HPSE2: variants seen among roughly 807,000 people sequenced by gnomAD.
HPSE2 encodes the protein heparanase 2 (inactive), also known as inactive heparanase-2.
HPSE2 carries 38 observed loss-of-function variants against 60.5 expected under a neutral mutation model. That is an observed-to-expected ratio of 0.63 (90% CI 0.48 to 0.82). The LOEUF is 0.82. Ranked by LOEUF, HPSE2 falls within the 40% of genes least tolerant of loss-of-function variation. The pLI, the probability that HPSE2 is intolerant of heterozygous loss-of-function variation, is 0.00. For missense variants in HPSE2, 713 were observed against 740.4 expected, an observed-to-expected ratio of 0.96 and a Z score of 0.43; for synonymous variants, 295 against 293.2, an observed-to-expected ratio of 1.01 and a Z score of -0.06.
chr10:98,869,927 C>T (rs1312326593), intron 3 of HPSE2, among the ~76,000 whole-genome samples: 1 of 151,842 alleles, frequency 6.6e-6, no homozygotes, highest in East Asian at 1.9e-4. Context: ...TGACTTGGAG[C>T]TTCAAGAAAA....
chr10:98,902,809 T>G (rs1424204179), intron 3 of HPSE2, among the ~76,000 whole-genome samples: 3 of 152,076 alleles, frequency 2.0e-5, no homozygotes, highest in African/African-American at 7.2e-5. Context: ...TTTCTGCAAC[T>G]TATGTTAAAA....
At chr10:99,260,907 A>T in the HPSE2 span, among the ~76,000 whole-genome samples, 5 of 151,862 alleles carry the variant, frequency 3.3e-5, no homozygotes, top group African/African-American at 1.2e-4. Context: ...AACCTCTTCA[A>T]CTCACACCTG....
chr10:99,121,922 C>T (rs1844968901), intron 3 of HPSE2, among the ~76,000 whole-genome samples: 1 of 152,010 alleles, frequency 6.6e-6, no homozygotes, highest in Admixed American at 6.5e-5. Flanking sequence ...TACATCCATA[C>T]AATGTAATTC....
At chr10:98,697,195 A>G (rs1176278008) in intron 5 of HPSE2, among the ~76,000 whole-genome samples, 1 of 152,200 alleles carries the variant, frequency 6.6e-6, no homozygotes, top group African/African-American at 2.4e-5. Flanking sequence ...AAGGTGGGTA[A>G]CAACAAACTC....
chr10:98,522,039 C>T (rs540564011), intron 9 of HPSE2, among the ~76,000 whole-genome samples: 2 of 151,720 alleles, frequency 1.3e-5, no homozygotes, highest in African/African-American at 2.4e-5. Flanking sequence ...ATGCAAATGA[C>T]GAGTTGATGG....
At chr10:98,701,683 C>T (rs1273860513) in intron 5 of HPSE2, among the ~76,000 whole-genome samples, 3 of 151,272 alleles carry the variant, frequency 2.0e-5, no homozygotes, top group African/African-American at 7.3e-5. Context: ...AGTTTTAAAC[C>T]CAGAATTTCA....
intron 6 of HPSE2, among the ~76,000 whole-genome samples, chr10:98,646,227 T>A (rs1946765067): frequency 6.6e-6 from 1 of 152,132 alleles, no homozygotes; most frequent in Non-Finnish European, 1.5e-5. Flanking sequence ...TCATTTATAT[T>A]TGGGCATGAA....
chr10:98,692,860 A>G (rs968017590), intron 6 of HPSE2, among the ~76,000 whole-genome samples: 1 of 152,226 alleles, frequency 6.6e-6, no homozygotes, highest in Non-Finnish European at 1.5e-5. Context: ...ATAAATGTAG[A>G]CTGAAATATT....
intron 9 of HPSE2, among the ~76,000 whole-genome samples, chr10:98,492,273 T>C (rs899892871): frequency 6.6e-6 from 1 of 151,990 alleles, no homozygotes; most frequent in Non-Finnish European, 1.5e-5. Flanking sequence ...GAGGCCGAGG[T>C]GGGCAGATCA....
intron 3 of HPSE2, among the ~76,000 whole-genome samples, chr10:98,788,486 C>A (rs1178434816): frequency 7.0e-6 from 1 of 141,850 alleles, no homozygotes; most frequent in Non-Finnish European, 1.5e-5. Context: ...GTTCGAGCTT[C>A]CCGGCTGCTT....
chr10:98,562,588 G>A (rs1040891353), intron 9 of HPSE2, among the ~76,000 whole-genome samples: 29 of 152,064 alleles, frequency 1.9e-4, no homozygotes, highest in Middle Eastern at 3.4e-3. Flanking sequence ...GGTGGTGGGC[G>A]CCTGTAGTCC....
rs556743117 is a variant in HPSE2 at position 98,604,009 on chromosome 10, A to G, written c.1320+10895T>C. 4.6e-5 allele frequency among the ~76,000 whole-genome samples: 7 copies of G among 152,314 alleles called. No individual in the cohort carries two copies. In the South Asian group the frequency reaches 1.5e-3, roughly 32 times the overall value. ...GTCTGAGACCTAATCATAGGACTAT[A>G]GGATGCTTCCTCTCCCCCCATACCT... On this transcript the variant is annotated intron_variant, in intron 9 of 11. Coordinates refer to ENST00000370552, the MANE Select transcript of HPSE2 (RefSeq NM_021828.5).
chr10:99,225,366 C>T (rs1201680152), intron 2 of HPSE2, among the ~76,000 whole-genome samples: 1 of 151,966 alleles, frequency 6.6e-6, no homozygotes, highest in Admixed American at 6.6e-5. Context: ...ACCTGGGCCC[C>T]ATTAATCTTC....
At chr10:98,972,863 T>A (rs1955992165) in intron 3 of HPSE2, among the ~76,000 whole-genome samples, 1 of 152,172 alleles carries the variant, frequency 6.6e-6, no homozygotes, top group South Asian at 2.1e-4. Flanking sequence ...TTAATGTAGT[T>A]CTTCTTAATG....
intron 2 of HPSE2, among the ~76,000 whole-genome samples, chr10:99,162,837 A>G (rs1039122778): frequency 1.3e-5 from 2 of 152,090 alleles, no homozygotes; most frequent in African/African-American, 4.8e-5. Flanking sequence ...TCTTATCTGG[A>G]TAACTAAAAC....
At chr10:99,170,174 A>G (rs1353123209) in intron 2 of HPSE2, among the ~76,000 whole-genome samples, 2 of 152,074 alleles carry the variant, frequency 1.3e-5, no homozygotes, top group Admixed American at 6.6e-5. Context: ...TTTCACAGCC[A>G]TTTTGTACCA....
chr10:98,559,139 T>C (rs1305446221), intron 9 of HPSE2, among the ~76,000 whole-genome samples: 1 of 152,196 alleles, frequency 6.6e-6, no homozygotes, highest in African/African-American at 2.4e-5. Context: ...GGCTATCTCC[T>C]GCCTCAGCCT....
chr10:98,536,248 G>C (rs1327278488), intron 9 of HPSE2, among the ~76,000 whole-genome samples: 1 of 152,210 alleles, frequency 6.6e-6, no homozygotes, highest in Non-Finnish European at 1.5e-5. Context: ...GGCTCAATGA[G>C]AATCAGAATC....
intron 9 of HPSE2, among the ~76,000 whole-genome samples, chr10:98,600,051 T>C (rs763759915): frequency 6.6e-6 from 1 of 152,196 alleles, no homozygotes; most frequent in Non-Finnish European, 1.5e-5. Flanking sequence ...AATTAGCACA[T>C]TTGCACCAGT....
Sources: allele counts gnomAD v4.1 joint callset (sites outside exome capture counted in the v4.1 genomes callset), GRCh38; gene constraint gnomAD v4.1.1; transcripts MANE v1.5; gene names NCBI Gene and HGNC (gene_info 2026-07-23, HGNC 2026-07-21).